SIAH3: variants seen among roughly 807,000 people sequenced by gnomAD.
The protein encoded by SIAH3 is seven in absentia homolog 3.
A neutral mutation model predicts 12.6 loss-of-function variants in SIAH3; 9 were observed. The ratio of observed to expected loss-of-function variants is 0.72; its 90% CI spans 0.43 to 1.25. The LOEUF (loss-of-function observed/expected upper bound fraction) is 1.25. Among genes scored for constraint, SIAH3 ranks in the 50% most tolerant of loss-of-function variants. SIAH3 has a pLI of 0.00. For synonymous variants in SIAH3, 154 were observed against 151.1 expected, an observed-to-expected ratio of 1.02 and a Z score of -0.14; for missense variants, 390 against 365.4, an observed-to-expected ratio of 1.07 and a Z score of -0.55.
At chr13:45,839,410 TA>T (rs1408144246) in intron 1 of SIAH3, among the ~76,000 whole-genome samples, 3 of 152,182 alleles carry the variant, frequency 2.0e-5, no homozygotes, top group Non-Finnish European at 4.4e-5. Context: ...GTCCACCTGT[TA>T]AACCAGGTAA....
rs887441755 is a variant in SIAH3, at chr13:45,781,484, T to A, written c.*1899A>T. The A allele has an allele frequency of 2.0e-5, 3 of 152,336 alleles. No individual in the cohort carries two copies. Among genetic ancestry groups the A allele is most frequent in the Admixed American group, 6.5e-5 (1 of 15,296 alleles). 9.4% of individuals were successfully genotyped at this position (152,336 alleles called of 1,614,324 possible). A position where few individuals can be genotyped will look rare whatever the true frequency, so the allele number is the denominator to read the frequency against. ...ATCTGTGTGATTGGAGGAGGGTGGC[T>A]GGTGCCCTGGCAGGGCATCTGAGAG... On this transcript the variant is annotated 3_prime_UTR_variant, in exon 2 of 2. Transcript: ENST00000400405.
chr13:45,817,546 T>C (rs1269430742), intron 1 of SIAH3, among the ~76,000 whole-genome samples: 1 of 152,208 alleles, frequency 6.6e-6, no homozygotes, highest in South Asian at 2.1e-4. Context: ...GGGCCCTACT[T>C]GCCATCACAA....
Position 45,781,011 on chromosome 13 carries a change from C to T in SIAH3, c.*2372G>A, listed in dbSNP as rs1336773895. Reference sequence around the variant, plus strand: ...GGATATGGAGAGGCCTTTTGGGGAGCACCATAGATGGAAGATAATAATACA... The same window carrying T: ...GGATATGGAGAGGCCTTTTGGGGAGTACCATAGATGGAAGATAATAATACA... On this transcript the variant is annotated 3_prime_UTR_variant, in exon 2 of 2. Coordinates refer to ENST00000400405, the MANE Select transcript of SIAH3 (RefSeq NM_198849.3). 4 of 152,618 alleles carry T rather than the reference C, an allele frequency of 2.6e-5. No individual in the cohort carries two copies. The East Asian group carries it at 7.7e-4, about 29-fold the overall frequency. 9.5% of individuals were successfully genotyped at this position (152,618 alleles called of 1,614,324 possible).
At chr13:45,788,908 G>A (rs1441660682) in intron 1 of SIAH3, among the ~76,000 whole-genome samples, 2 of 152,218 alleles carry the variant, frequency 1.3e-5, no homozygotes, top group Non-Finnish European at 2.9e-5. Flanking sequence ...GTGAAGTGGG[G>A]AAGGCAGCAA....
intron 1 of SIAH3, among the ~76,000 whole-genome samples, chr13:45,835,221 C>T (rs1483596851): frequency 6.6e-6 from 1 of 152,172 alleles, no homozygotes; most frequent in East Asian, 1.9e-4. Context: ...GACTATTTCC[C>T]AGCCTCTCCA....
intron 1 of SIAH3, among the ~76,000 whole-genome samples, chr13:45,795,955 T>A (rs2137554620): frequency 6.6e-6 from 1 of 152,262 alleles, no homozygotes; most frequent in Non-Finnish European, 1.5e-5. Context: ...GTTGAATTTT[T>A]AAAAAAGCTA....
intron 1 of SIAH3, among the ~76,000 whole-genome samples, chr13:45,788,269 C>T (rs1358459807): frequency 6.6e-6 from 1 of 152,206 alleles, no homozygotes. Context: ...AAATGCTAAT[C>T]GTTTCAGAAA....
chr13:45,833,493 GCACA>G (rs139611164), intron 1 of SIAH3, among the ~76,000 whole-genome samples: 1 of 150,406 alleles, frequency 6.6e-6, no homozygotes, highest in African/African-American at 2.4e-5. Flanking sequence ...ACACACACAC[GCACA>G]CACACACACA....
At chr13:45,834,085 G>T (rs1301639626) in intron 1 of SIAH3, among the ~76,000 whole-genome samples, 2 of 151,894 alleles carry the variant, frequency 1.3e-5, no homozygotes, top group Non-Finnish European at 2.9e-5. Flanking sequence ...CTCATTCCCG[G>T]AATTCTAATT....
At chr13:45,833,408 T>G (rs148016485) in intron 1 of SIAH3, among the ~76,000 whole-genome samples, 1,598 of 152,222 alleles carry the variant, frequency 0.01, 24 homozygotes, top group African/African-American at 0.037. Flanking sequence ...TTTTTGGTAC[T>G]GACCAGCTGC....
chr13:45,851,101 T>C (rs1182553579), intron 1 of SIAH3, among the ~76,000 whole-genome samples: 3 of 144,352 alleles, frequency 2.1e-5, no homozygotes, highest in African/African-American at 7.7e-5. Flanking sequence ...TCCCAACACA[T>C]GGGACAGAGA....
Position 45,829,763 on chromosome 13 carries a change from A to AT in SIAH3, c.135+21731dup, listed in dbSNP as rs1407688787. On this transcript the variant is annotated intron_variant, in intron 1 of 1. Transcript: ENST00000400405. ...CTGTCTTGCTTGTTTCCCTTTCTGT[A>AT]TTTTTTTTCCCTCTGAGAAGACCAA... 5.3e-5 allele frequency among the ~76,000 whole-genome samples: 8 copies of AT among 151,612 alleles called. No homozygotes were observed. In the South Asian group the frequency reaches 1.5e-3, roughly 28 times the overall value.
chr13:45,843,559 C>T (rs192365368), intron 1 of SIAH3, among the ~76,000 whole-genome samples: 89 of 152,302 alleles, frequency 5.8e-4, no homozygotes, highest in African/African-American at 2.1e-3. Flanking sequence ...TGTCCCACTG[C>T]AGGCATGAGT....
chr13:45,838,009 C>T (rs1475032422), intron 1 of SIAH3, among the ~76,000 whole-genome samples: 4 of 152,204 alleles, frequency 2.6e-5, no homozygotes, highest in South Asian at 2.1e-4. Flanking sequence ...GTATTCACCA[C>T]ATCACCCCCC....
chr13:45,833,665 T>C (rs902968963), intron 1 of SIAH3, among the ~76,000 whole-genome samples: 3 of 152,152 alleles, frequency 2.0e-5, no homozygotes, highest in Non-Finnish European at 2.9e-5. Context: ...CGATAAACCA[T>C]TGTGGTTGGC....
At chr13:45,817,423 T>G (rs1950638516) in intron 1 of SIAH3, among the ~76,000 whole-genome samples, 1 of 152,244 alleles carries the variant, frequency 6.6e-6, no homozygotes, top group Non-Finnish European at 1.5e-5. Context: ...ACTGATGCAT[T>G]TCTCAGAATG....
In SIAH3 at chr13:45,777,640, A is replaced by G. The variant is rs565660814; in HGVS notation, c.*5743T>C. On this transcript the variant is annotated 3_prime_UTR_variant, in exon 2 of 2. Transcript: ENST00000400405. ...AGCTGGCTATTTTCCAGGTGAACAC[A>G]ATGGGGAACTCACCAATTCCTGAAG... 2.1e-4 allele frequency: 32 copies of G among 152,354 alleles called. No individual in the cohort carries two copies. The highest frequency in any genetic ancestry group is 7.2e-4 in the African/African-American group (30 of 41,580). The allele number at this position is 152,354 out of a possible 1,614,324, so 9.4% of individuals were successfully genotyped here. A position where few individuals can be genotyped will look rare whatever the true frequency, so the allele number is the denominator to read the frequency against.
At chr13:45,846,167 G>A (rs1430728091) in intron 1 of SIAH3, among the ~76,000 whole-genome samples, 1 of 130,604 alleles carries the variant, frequency 7.7e-6, no homozygotes, top group Non-Finnish European at 1.5e-5. Flanking sequence ...TCAGCTCACT[G>A]CAACGTCTGC....
At chr13:45,789,410 A>ATCTATCTG (rs1555256670) in intron 1 of SIAH3, among the ~76,000 whole-genome samples, 18 of 142,650 alleles carry the variant, frequency 1.3e-4, no homozygotes, top group African/African-American at 4.3e-4. Flanking sequence ...CTATCTATCT[A>ATCTATCTG]TCTATCTATA....
Sources: gnomAD v4.1 joint callset for allele counts (sites outside exome capture counted in the v4.1 genomes callset) on GRCh38, gnomAD v4.1.1 for gene constraint, MANE v1.5 for transcripts, NCBI Gene and HGNC (gene_info 2026-07-23, HGNC 2026-07-21) for gene names.